METTL16: variants seen among roughly 807,000 people sequenced by gnomAD.
METTL16 encodes methyltransferase 16, RNA N6-adenosine.
METTL16 carries 19 observed loss-of-function variants against 57.9 expected under a neutral mutation model. That is an observed-to-expected ratio of 0.33 (90% confidence interval 0.23 to 0.48). METTL16 has a LOEUF of 0.48. METTL16 is among the 20% of genes least tolerant of loss of function. METTL16 has a pLI of 0.99. For synonymous variants in METTL16, 246 were observed against 255.6 expected (o/e 0.96, Z 0.36); for missense variants, 434 against 691.5 (o/e 0.63, Z 4.18).
chr17:2,491,667 A>C (rs1006655497), intron 2 of METTL16, among the ~76,000 whole-genome samples: 7 of 151,836 alleles, frequency 4.6e-5, no homozygotes, highest in African/African-American at 1.5e-4. Context: ...CGAGGTCAGG[A>C]GATGGAGACC....
At chr17:2,437,179 G>T (rs2066915025) in intron 8 of METTL16, among the ~76,000 whole-genome samples, 1 of 152,144 alleles carries the variant, frequency 6.6e-6, no homozygotes, top group South Asian at 2.1e-4. Context: ...ACCAGGCCTG[G>T]ACACAAATCA....
At chr17:2,442,441 G>A (rs1321038508) in intron 6 of METTL16, among the ~76,000 whole-genome samples, 3 of 151,550 alleles carry the variant, frequency 2.0e-5, no homozygotes, top group African/African-American at 4.9e-5. Flanking sequence ...ACGGAGTTAC[G>A]ATTTGTAAAG....
At chr17:2,423,271 T>TGTGA (rs2066781938) in intron 8 of METTL16, among the ~76,000 whole-genome samples, 1 of 140,342 alleles carries the variant, frequency 7.1e-6, no homozygotes, top group South Asian at 2.2e-4. Flanking sequence ...GGTGTGTGTG[T>TGTGA]GTGTGTGTGT....
At chr17:2,457,329 C>T (rs1393934392) in intron 6 of METTL16, among the ~76,000 whole-genome samples, 14 of 123,310 alleles carry the variant, frequency 1.1e-4, no homozygotes, top group East Asian at 2.3e-4. Context: ...CAGAGCGAGA[C>T]TCCGTCTCAA....
At chr17:2,456,366 C>A (rs1280669013) in intron 6 of METTL16, among the ~76,000 whole-genome samples, 1 of 152,146 alleles carries the variant, frequency 6.6e-6, no homozygotes, top group Non-Finnish European at 1.5e-5. Flanking sequence ...GATGGCAGTT[C>A]AGTAAGAAAC....
At chr17:2,440,968 C>T (rs78136503) in intron 7 of METTL16, among the ~76,000 whole-genome samples, 659 of 31,408 alleles carry the variant, frequency 0.021, 4 homozygotes, top group African/African-American at 0.1. Flanking sequence ...TAGACTTGAT[C>T]TCAAAAAAAA....
At chr17:2,487,390 T>A (rs1248805238) in intron 2 of METTL16, among the ~76,000 whole-genome samples, 1 of 152,162 alleles carries the variant, frequency 6.6e-6, no homozygotes, top group East Asian at 1.9e-4. Flanking sequence ...GGAGAAAATA[T>A]AAAGTGCGAA....
At chr17:2,502,112 A>G in intron 2 of METTL16, 92 bp downstream of exon 2, 1 of 1,359,462 alleles carries the variant, frequency 7.4e-7, no homozygotes. Flanking sequence ...GTTTAATCAA[A>G]TGTCTAAGAT....
chr17:2,498,911 C>G (rs4790081), intron 2 of METTL16, among the ~76,000 whole-genome samples: 20,774 of 151,464 alleles, frequency 0.14, 1,929 homozygotes, highest in East Asian at 0.35. Context: ...TGCACCCCAG[C>G]CACGCTTCAC....
intron 1 of METTL16, among the ~76,000 whole-genome samples, chr17:2,507,828 C>T (rs2067557960): frequency 6.6e-6 from 1 of 152,146 alleles, no homozygotes; most frequent in Non-Finnish European, 1.5e-5. Context: ...TGACCTTACC[C>T]CCAACCCTGT....
chr17:2,502,161 T>G (rs149685325), intron 2 of METTL16, 43 bp downstream of exon 2: 22 of 1,596,376 alleles, frequency 1.4e-5, no homozygotes, highest in Middle Eastern at 1.7e-4. Flanking sequence ...CATATCCATT[T>G]GAATCACACA....
intron 1 of METTL16, among the ~76,000 whole-genome samples, chr17:2,506,289 C>T (rs914530251): frequency 7.1e-6 from 1 of 141,354 alleles, no homozygotes; most frequent in Non-Finnish European, 1.5e-5. Context: ...CGGTCTCCCT[C>T]TCCCTCTCCC....
Position 2,477,732 on chromosome 17 carries a change from AC to A in METTL16, c.281del (p.Gly94ValfsTer16). The A allele has an allele frequency of 6.2e-7, 1 of 1,614,094 alleles. No homozygotes were observed. The highest frequency in any genetic ancestry group is 8.5e-7 in the Non-Finnish European group (1 of 1,179,914). ...GAGTACTTTTGTCAGAATCCTGGTG[AC>A]CGATCAGATCTTCTACCCAGTGAAT... The part of the protein sequence containing the change: ...NYIHWVEDLI[G>X]HQDSDKSTLR... On this transcript the variant is annotated frameshift_variant, in exon 3 of 10. Transcript: ENST00000263092. LOFTEE classifies it high-confidence loss of function.
chr17:2,489,716 A>C (rs1182839495), intron 2 of METTL16, among the ~76,000 whole-genome samples: 1 of 103,968 alleles, frequency 9.6e-6, no homozygotes, highest in Non-Finnish European at 1.9e-5. Context: ...TCCAGCCTGG[A>C]TGACAGAGCG....
chr17:2,447,949 T>G (rs1309443634), intron 6 of METTL16, among the ~76,000 whole-genome samples: 4 of 74,314 alleles, frequency 5.4e-5, no homozygotes, highest in Admixed American at 2.6e-4. Context: ...GGGAGGGAGG[T>G]GGGGGGATCA....
At chr17:2,468,953 C>T (rs1167414684) in intron 4 of METTL16, among the ~76,000 whole-genome samples, 4 of 151,394 alleles carry the variant, frequency 2.6e-5, no homozygotes, top group South Asian at 2.1e-4. Context: ...AGGCTCCTAG[C>T]GCCAGGCATG....
chr17:2,423,202 A>G (rs2066780852), intron 8 of METTL16, among the ~76,000 whole-genome samples: 1 of 151,864 alleles, frequency 6.6e-6, no homozygotes, highest in Admixed American at 6.6e-5. Flanking sequence ...ATACATACAC[A>G]ACAACCTAAC....
chr17:2,420,859 T>C lies in METTL16; in HGVS notation c.934A>G (p.Ile312Val), dbSNP rs1190934880. The change falls in exon 9 of 10, where the codon ATA becomes GTA. Residue 312 changes from isoleucine (I) to valine (V), a missense_variant. Physicochemically the swap from Ile to Val is conservative, Grantham distance 29. This residue lies in a region of METTL16 where 96 missense variants were observed against 138.3 expected (regional missense o/e 0.69). Transcript: ENST00000263092. This position sits in a 1 kb window ranked among gnomAD's most constrained non-coding sequence, Gnocchi z 5.4. ...RRKLEKPRKPITFVVLASVMK... is the reference protein window; with the variant it reads ...RRKLEKPRKPVTFVVLASVMK... ...ACGGACGCCAGCACCACGAATGTTA[T>C]GGGTTTTCTCGGTTTCTCTAATTTT... The C allele has an allele frequency of 1.5e-5, 25 of 1,614,086 alleles. No individual in the cohort carries two copies. Among genetic ancestry groups the C allele is most frequent in the East Asian group, 2.2e-5 (1 of 44,896 alleles).
At chr17:2,452,476 C>A (rs999917263) in intron 6 of METTL16, among the ~76,000 whole-genome samples, 23 of 151,944 alleles carry the variant, frequency 1.5e-4, no homozygotes, top group Non-Finnish European at 2.9e-4. Context: ...CATCTTGTGA[C>A]AACTAATCAA....
Sources: allele counts gnomAD v4.1 joint callset (sites outside exome capture counted in the v4.1 genomes callset), GRCh38; gene constraint gnomAD v4.1.1; regional missense constraint gnomAD v4.1.1; non-coding constraint Gnocchi (gnomAD v3.1); transcripts MANE v1.5; gene names NCBI Gene and HGNC (gene_info 2026-07-23, HGNC 2026-07-21).